The following KRT8 variants were observed in gnomAD, a reference collection of about 807,000 sequenced individuals.
KRT8 encodes the protein keratin, type II cytoskeletal 8.
Under a neutral mutation model 43.0 loss-of-function variants are expected in KRT8, and 24 were observed. The ratio of observed to expected loss-of-function variants is 0.56; its 90% confidence interval spans 0.40 to 0.78. The LOEUF is 0.78. Ranked by LOEUF, KRT8 falls within the 30% of genes least tolerant of loss-of-function variation. The pLI is 0.00. For synonymous variants in KRT8, 214 were observed against 261.2 expected (o/e 0.82, Z 1.74); for missense variants, 492 against 638.4 (o/e 0.77, Z 2.47).
chr12:52,905,053 T>C, exon 1 of KRT8: 1 of 1,538,462 alleles, frequency 6.5e-7, no homozygotes, highest in Non-Finnish European at 8.7e-7. Context: ...AAGCTGCTTC[T>C]TGGTGAGGAG....
At chr12:52,901,128 T>C in intron 3 of KRT8, 31 bp downstream of exon 3, 1 of 1,509,290 alleles carries the variant, frequency 6.6e-7, no homozygotes, top group Non-Finnish European at 9.2e-7. Flanking sequence ...CAGCCTCCAG[T>C]GTCCAGATAG....
chr12:52,934,141 A>C (rs992789840), intron 2 of KRT8, among the ~76,000 whole-genome samples: 1 of 151,842 alleles, frequency 6.6e-6, no homozygotes, highest in Admixed American at 6.6e-5. Flanking sequence ...AGGCAGGAGA[A>C]TTGCTTGAAC....
At chr12:52,944,508 A>G (rs952888413) in intron 2 of KRT8, among the ~76,000 whole-genome samples, 2 of 152,182 alleles carry the variant, frequency 1.3e-5, no homozygotes, top group African/African-American at 4.8e-5. Flanking sequence ...CTGGGGTTGC[A>G]CCTGAGGAGA....
At chr12:52,906,252 G>A (rs1320640658), upstream of KRT8, among the ~76,000 whole-genome samples, 1 of 152,154 alleles carries the variant, frequency 6.6e-6, no homozygotes, top group Non-Finnish European at 1.5e-5. Context: ...AGGGGTTGGG[G>A]GGGGCAAGAG....
intron 2 of KRT8, among the ~76,000 whole-genome samples, chr12:52,943,901 C>T (rs1364174980): frequency 6.6e-6 from 1 of 152,224 alleles, no homozygotes; most frequent in Non-Finnish European, 1.5e-5. Flanking sequence ...TTCTTGGCCA[C>T]TCTGTTCTTC....
chr12:52,938,161 TATATATATA>T (rs1337976866), intron 2 of KRT8, among the ~76,000 whole-genome samples: 788 of 37,870 alleles, frequency 0.021, 16 homozygotes, highest in African/African-American at 0.051. Context: ...TATATATATA[TATATATATA>T]TTTTTTTTTT....
At chr12:52,905,280 G>T (rs942305135), upstream of KRT8, among the ~76,000 whole-genome samples, 2 of 152,106 alleles carry the variant, frequency 1.3e-5, no homozygotes, top group African/African-American at 4.8e-5. Flanking sequence ...AGAAACCCAG[G>T]AAAAGGCAGT....
upstream of KRT8, among the ~76,000 whole-genome samples, chr12:52,907,770 C>A (rs1217716167): frequency 6.6e-6 from 1 of 152,200 alleles, no homozygotes; most frequent in Non-Finnish European, 1.5e-5. Context: ...AGCACAGCCT[C>A]GGTGCAGGAG....
At chr12:52,900,969 T>C (rs908634873) in intron 3 of KRT8, 190 bp downstream of exon 3, 5 of 670,032 alleles carry the variant, frequency 7.5e-6, no homozygotes, top group Non-Finnish European at 1.1e-5. Flanking sequence ...CCAACACCGA[T>C]GTCAAGAGTT....
Position 52,931,657 on chromosome 12 carries a change from C to CATATATAT in KRT8, c.-47+17791_-47+17798dup, listed in dbSNP as rs34460731. ...CTTTCTCCACTACTCATTGGCTCCC[C>CATATATAT]ATATATATATATATATATATTTGAG... On this transcript the variant is annotated intron_variant, in intron 2 of 6. Coordinates refer to the KRT8 transcript ENST00000546826. Among the ~76,000 whole-genome samples the CATATATAT allele has an allele frequency of 5.2e-3, 763 of 147,212 alleles. 6 individuals are homozygous for CATATATAT. The highest frequency in any genetic ancestry group is 0.043 in the East Asian group (219 of 5,042).
intron 1 of KRT8, chr12:52,949,617 C>T: frequency 3.8e-6 from 6 of 1,594,330 alleles, no homozygotes; most frequent in Non-Finnish European, 5.2e-6. Flanking sequence ...ACCTCAACTC[C>T]CAGCCTTGTC....
chr12:52,927,717 G>A (rs1326391778), intron 2 of KRT8, among the ~76,000 whole-genome samples: 1 of 152,190 alleles, frequency 6.6e-6, no homozygotes, highest in Non-Finnish European at 1.5e-5. Flanking sequence ...AGACACACAT[G>A]TTCTTGTCCT....
intron 2 of KRT8, among the ~76,000 whole-genome samples, chr12:52,917,740 G>A (rs192113929): frequency 1.8e-4 from 26 of 147,524 alleles, no homozygotes; most frequent in Non-Finnish European, 2.6e-4. Flanking sequence ...TTCGCCAGGC[G>A]TTGTGGCAGG....
At chr12:52,948,528 C>A in intron 2 of KRT8, 2 of 159,052 alleles carry the variant, frequency 1.3e-5, no homozygotes, top group Non-Finnish European at 2.5e-5. Flanking sequence ...GACAGAGTCT[C>A]ACTCTGTCGC....
exon 2 of KRT8, chr12:52,901,959 G>T: frequency 3.7e-6 from 6 of 1,608,738 alleles, no homozygotes; most frequent in Non-Finnish European, 5.1e-6. Flanking sequence ...GCCGCCTAAG[G>T]TTGTTGATGT....
At chr12:52,946,077 CGACATCAGT>C (rs1328012127) in intron 2 of KRT8, among the ~76,000 whole-genome samples, 2 of 152,152 alleles carry the variant, frequency 1.3e-5, no homozygotes, top group African/African-American at 4.8e-5. Flanking sequence ...ATGTGGCCAT[CGACATCAGT>C]AGGAGAGATA....
At chr12:52,930,646 G>A (rs772291219) in intron 2 of KRT8, among the ~76,000 whole-genome samples, 2 of 151,918 alleles carry the variant, frequency 1.3e-5, no homozygotes, top group East Asian at 3.9e-4. Flanking sequence ...TTGTGCCCTA[G>A]ACCTCCTGGG....
intron 2 of KRT8, among the ~76,000 whole-genome samples, chr12:52,913,744 C>G (rs1044137433): frequency 3.3e-5 from 5 of 152,244 alleles, no homozygotes; most frequent in African/African-American, 1.2e-4. Context: ...CAGGCACAAG[C>G]ATGTGCGTGT....
chr12:52,929,990 C>T (rs1942057544), intron 2 of KRT8, among the ~76,000 whole-genome samples: 1 of 152,172 alleles, frequency 6.6e-6, no homozygotes, highest in South Asian at 2.1e-4. Flanking sequence ...CATAATTCCT[C>T]TCTGGTGGAC....
Sources: gnomAD v4.1 joint callset for allele counts (sites outside exome capture counted in the v4.1 genomes callset) on GRCh38, gnomAD v4.1.1 for gene constraint, MANE v1.5 for transcripts, NCBI Gene and HGNC (gene_info 2026-07-23, HGNC 2026-07-21) for gene names.